The following CPQ variants were observed in gnomAD, a reference collection of about 807,000 sequenced individuals.
CPQ encodes the protein Ser-Met dipeptidase.
In CPQ, 37 loss-of-function variants were observed where a neutral mutation model predicts 45.7. The observed-to-expected ratio is 0.81, with a 90% confidence interval of 0.62 to 1.07. The LOEUF is 1.07. Among genes scored for constraint, CPQ ranks in the 50% least tolerant of loss-of-function variants. CPQ has a pLI of 0.00. For synonymous variants in CPQ, 186 were observed against 205.8 expected, an observed-to-expected ratio of 0.90 and a Z score of 0.82; for missense variants, 537 against 572.9, an observed-to-expected ratio of 0.94 and a Z score of 0.64.
intron 1 of CPQ, among the ~76,000 whole-genome samples, chr8:96,675,123 G>A (rs994038188): frequency 6.6e-6 from 1 of 151,886 alleles, no homozygotes; most frequent in African/African-American, 2.4e-5. Flanking sequence ...TAGTTTTTGA[G>A]GTAATATATA....
At chr8:96,793,796 T>C (rs1425056186) in intron 2 of CPQ, among the ~76,000 whole-genome samples, 3 of 152,170 alleles carry the variant, frequency 2.0e-5, no homozygotes, top group African/African-American at 4.8e-5. Context: ...AATACAGCCA[T>C]TCCTTGTGGG....
At chr8:96,720,018 T>A (rs1809741621) in intron 1 of CPQ, among the ~76,000 whole-genome samples, 1 of 152,234 alleles carries the variant, frequency 6.6e-6, no homozygotes, top group African/African-American at 2.4e-5. Context: ...TAAGTTCCTG[T>A]ATTGCTTCTT....
chr8:96,663,690 C>G (rs1414789995), intron 1 of CPQ, among the ~76,000 whole-genome samples: 2 of 152,132 alleles, frequency 1.3e-5, no homozygotes, highest in Non-Finnish European at 2.9e-5. Flanking sequence ...TTATATACTT[C>G]TAAGGGCTGA....
At chr8:97,036,295 G>A (rs1810005943) in intron 6 of CPQ, among the ~76,000 whole-genome samples, 2 of 152,078 alleles carry the variant, frequency 1.3e-5, no homozygotes, top group Admixed American at 1.3e-4. Flanking sequence ...CCAGAAAAGA[G>A]GTTATTCTAG....
chr8:96,708,172 CTCT>C (rs1809558078), intron 1 of CPQ, among the ~76,000 whole-genome samples: 1 of 152,054 alleles, frequency 6.6e-6, no homozygotes, highest in South Asian at 2.1e-4. Flanking sequence ...TCCTTTGCCT[CTCT>C]TCTTCTGCCT....
chr8:97,103,150 CTTAAAATCCTTAAT>C (rs1811343576), intron 7 of CPQ, among the ~76,000 whole-genome samples: 1 of 152,180 alleles, frequency 6.6e-6, no homozygotes, highest in Non-Finnish European at 1.5e-5. Flanking sequence ...AATCAACCAT[CTTAAAATCCTTAAT>C]TTAAGCACAC....
chr8:97,097,473 T>C (rs1811228140), intron 7 of CPQ, among the ~76,000 whole-genome samples: 1 of 152,212 alleles, frequency 6.6e-6, no homozygotes. Flanking sequence ...TATGTGATTG[T>C]AACCCCCATT....
At chr8:97,005,427 T>G (rs544704623) in intron 5 of CPQ, among the ~76,000 whole-genome samples, 154 of 151,908 alleles carry the variant, frequency 1.0e-3, no homozygotes, top group Non-Finnish European at 1.8e-3. Context: ...TGAAGCCAGG[T>G]GCAGTGGCTC....
intron 2 of CPQ, among the ~76,000 whole-genome samples, chr8:96,789,855 C>T (rs1167064138): frequency 6.6e-6 from 1 of 152,132 alleles, no homozygotes; most frequent in East Asian, 1.9e-4. Flanking sequence ...GATCTGTGTG[C>T]AGCTTGGGAA....
At chr8:96,983,399 C>T (rs17797221) in intron 5 of CPQ, among the ~76,000 whole-genome samples, 1,575 of 152,246 alleles carry the variant, frequency 0.01, 11 homozygotes, top group Non-Finnish European at 0.014. Flanking sequence ...GTTATTACTG[C>T]GTTACTGAGC....
At chr8:96,950,234 T>G (rs1053504781) in intron 4 of CPQ, among the ~76,000 whole-genome samples, 1 of 152,132 alleles carries the variant, frequency 6.6e-6, no homozygotes, top group African/African-American at 2.4e-5. Flanking sequence ...TTTATGTGAC[T>G]AAAATTGTAA....
chr8:96,870,134 C>G (rs1812048818), intron 3 of CPQ, among the ~76,000 whole-genome samples: 1 of 151,510 alleles, frequency 6.6e-6, no homozygotes, highest in Admixed American at 6.6e-5. Context: ...CACATGTTGT[C>G]TGTCAGGCAC....
intron 4 of CPQ, among the ~76,000 whole-genome samples, chr8:96,928,784 C>T (rs1228278301): frequency 2.0e-5 from 3 of 152,056 alleles, no homozygotes; most frequent in East Asian, 3.9e-4. Flanking sequence ...GATTGGCTTC[C>T]GAAGTTCAGA....
At chr8:96,906,469 A>C (rs11988118) in intron 4 of CPQ, among the ~76,000 whole-genome samples, 5,990 of 152,280 alleles carry the variant, frequency 0.039, 170 homozygotes, top group African/African-American at 0.069. Flanking sequence ...GTATGTATGC[A>C]TATATGTGTA....
At chr8:96,688,721 C>A (rs932827033) in intron 1 of CPQ, among the ~76,000 whole-genome samples, 4 of 151,994 alleles carry the variant, frequency 2.6e-5, no homozygotes, top group Non-Finnish European at 5.9e-5. Context: ...TACTGTAATT[C>A]TGTTGCTTGA....
At chr8:97,098,290 T>A (rs902922390) in intron 7 of CPQ, among the ~76,000 whole-genome samples, 2 of 152,206 alleles carry the variant, frequency 1.3e-5, no homozygotes, top group East Asian at 3.8e-4. Flanking sequence ...GAGTCAATGA[T>A]GCACAAGACA....
chr8:96,829,579 G>A lies in CPQ; in HGVS notation c.434-5394G>A, dbSNP rs562972385. On this transcript the variant is annotated intron_variant, in intron 2 of 7. Coordinates refer to ENST00000220763, the MANE Select transcript of CPQ (RefSeq NM_016134.4). The stretch of plus-strand genomic sequence containing the variant: ...TACTCCTAATCACTGTAAATGAATA[G>A]GTGTTTCATCTATTTTTGTCTTCTC... Among the ~76,000 whole-genome samples, 6 of 152,068 alleles carry A rather than the reference G, an allele frequency of 3.9e-5. No homozygotes were observed. The South Asian group carries it at 1.2e-3, about 32-fold the overall frequency.
intron 1 of CPQ, among the ~76,000 whole-genome samples, chr8:96,735,030 A>C (rs1809963760): frequency 6.6e-6 from 1 of 151,884 alleles, no homozygotes; most frequent in African/African-American, 2.4e-5. Context: ...GTTCTGCTTA[A>C]ATGTGACTTT....
chr8:96,968,590 C>A (rs1012732579), intron 5 of CPQ, among the ~76,000 whole-genome samples: 1 of 152,188 alleles, frequency 6.6e-6, no homozygotes, highest in Non-Finnish European at 1.5e-5. Context: ...GTGGCAATCT[C>A]TTTTTCCAAG....
Sources: allele counts gnomAD v4.1 joint callset (sites outside exome capture counted in the v4.1 genomes callset), GRCh38; gene constraint gnomAD v4.1.1; transcripts MANE v1.5; gene names NCBI Gene and HGNC (gene_info 2026-07-23, HGNC 2026-07-21).